Variants in LRRC37A2 observed in about 807,000 individuals in gnomAD.
LRRC37A2 encodes leucine-rich repeat-containing protein 37A2.
LRRC37A2 carries 9 observed loss-of-function variants against 68.8 expected under a neutral mutation model. The ratio of observed to expected loss-of-function variants is 0.13; its 90% CI spans 0.08 to 0.23. The LOEUF (loss-of-function observed/expected upper bound fraction) is 0.23. Among genes scored for constraint, LRRC37A2 ranks in the 10% least tolerant of loss-of-function variants. LRRC37A2 has a pLI of 1.00. For synonymous variants in LRRC37A2, 63 were observed against 367.6 expected, an observed-to-expected ratio of 0.17 and a Z score of 9.48; for missense variants, 168 against 950.4, an observed-to-expected ratio of 0.18 and a Z score of 10.82.
chr17:46,896,293 CAAAAAA>C, the LRRC37A2 span, among the ~76,000 whole-genome samples: 1 of 115,188 alleles, frequency 8.7e-6, no homozygotes, highest in South Asian at 2.5e-4. Context: ...GACTCTCTCT[CAAAAAA>C]AGAAAAAGAA....
At chr17:46,493,577 C>T in the LRRC37A2 span, among the ~76,000 whole-genome samples, 11 of 145,186 alleles carry the variant, frequency 7.6e-5, no homozygotes, top group South Asian at 2.0e-3. Context: ...CTCGCTGTGT[C>T]GCCAGGCTGG....
At chr17:46,913,153 G>A in the LRRC37A2 span, among the ~76,000 whole-genome samples, 1 of 152,180 alleles carries the variant, frequency 6.6e-6, no homozygotes, top group Non-Finnish European at 1.5e-5. Flanking sequence ...CACCGCTAAG[G>A]GCAGTTTTTA....
chr17:46,902,494 TAGAGAC>T, the LRRC37A2 span, among the ~76,000 whole-genome samples: 1 of 135,366 alleles, frequency 7.4e-6, no homozygotes, highest in African/African-American at 3.2e-5. Context: ...GTGTGTAAGA[TAGAGAC>T]AGAGAGAGAG....
chr17:46,902,723 A>G, the LRRC37A2 span, among the ~76,000 whole-genome samples: 1 of 152,158 alleles, frequency 6.6e-6, no homozygotes, highest in Non-Finnish European at 1.5e-5. Context: ...CTGGTTGCCC[A>G]CAGATACCGT....
chr17:46,754,397 C>A, the LRRC37A2 span, among the ~76,000 whole-genome samples: 1 of 151,924 alleles, frequency 6.6e-6, no homozygotes, highest in Non-Finnish European at 1.5e-5. Context: ...CACATCTCCC[C>A]ACAGCTGCAC....
At chr17:46,388,942 T>A in the LRRC37A2 span, among the ~76,000 whole-genome samples, 2 of 73,794 alleles carry the variant, frequency 2.7e-5, no homozygotes, top group African/African-American at 1.2e-4. Context: ...ACGCCTGTAA[T>A]CCGAGCACTT....
chr17:46,993,923 G>A, the LRRC37A2 span, among the ~76,000 whole-genome samples: 1 of 146,598 alleles, frequency 6.8e-6, no homozygotes, highest in East Asian at 1.9e-4. Context: ...GCTGGTCCAT[G>A]GCAGGTGCCA....
the LRRC37A2 span, among the ~76,000 whole-genome samples, chr17:46,754,471 T>C: frequency 6.6e-6 from 1 of 152,142 alleles, no homozygotes; most frequent in Non-Finnish European, 1.5e-5. Flanking sequence ...ACTCCTGCTC[T>C]GAAACATATT....
At chr17:46,747,580 A>T in the LRRC37A2 span, among the ~76,000 whole-genome samples, 30 of 152,188 alleles carry the variant, frequency 2.0e-4, no homozygotes, top group African/African-American at 7.2e-4. Flanking sequence ...GGCCTCAGAG[A>T]TCTAAAACAA....
chr17:47,024,215 T>A, the LRRC37A2 span, among the ~76,000 whole-genome samples: 1 of 152,152 alleles, frequency 6.6e-6, no homozygotes. Flanking sequence ...ATAAACAACA[T>A]TTATGTTATG....
the LRRC37A2 span, among the ~76,000 whole-genome samples, chr17:46,783,830 A>G: frequency 6.6e-6 from 1 of 152,230 alleles, no homozygotes; most frequent in Non-Finnish European, 1.5e-5. Flanking sequence ...ACAGAGAAGC[A>G]GAGGAGGGGA....
the LRRC37A2 span, among the ~76,000 whole-genome samples, chr17:46,863,841 G>C: frequency 1.3e-5 from 2 of 152,128 alleles, no homozygotes; most frequent in South Asian, 4.1e-4. Flanking sequence ...TCCCAAGGGA[G>C]CCGCTCACAA....
chr17:46,930,766 T>C, the LRRC37A2 span: 1 of 235,014 alleles, frequency 4.3e-6, no homozygotes, highest in African/African-American at 2.3e-5. Context: ...AAGAGACCTA[T>C]ATCAGAAAAT....
the LRRC37A2 span, among the ~76,000 whole-genome samples, chr17:46,732,834 A>G: frequency 1.3e-5 from 2 of 152,346 alleles, no homozygotes; most frequent in Admixed American, 1.3e-4. Context: ...CTGTCCCAGC[A>G]GGGAGCCAAG....
chr17:46,980,820 G>A, the LRRC37A2 span, among the ~76,000 whole-genome samples: 14 of 151,796 alleles, frequency 9.2e-5, no homozygotes, highest in Admixed American at 3.3e-4. Context: ...GTGACAGAGC[G>A]AGACTCCGTC....
At chr17:47,003,374 G>T in the LRRC37A2 span, among the ~76,000 whole-genome samples, 1 of 152,186 alleles carries the variant, frequency 6.6e-6, no homozygotes, top group African/African-American at 2.4e-5. Context: ...GGCAGAGGTG[G>T]GGCAGATGAG....
At chr17:46,984,416 G>T in the LRRC37A2 span, among the ~76,000 whole-genome samples, 1 of 152,170 alleles carries the variant, frequency 6.6e-6, no homozygotes, top group African/African-American at 2.4e-5. Flanking sequence ...TCTGTCAACT[G>T]GCTGCCTCCC....
the LRRC37A2 span, chr17:47,028,190 T>A: frequency 2.3e-6 from 2 of 886,926 alleles, no homozygotes; most frequent in Non-Finnish European, 3.7e-6. Flanking sequence ...GAGGTTATGT[T>A]CCATCCTGTA....
the LRRC37A2 span, chr17:46,929,876 G>A: frequency 1.2e-5 from 4 of 328,808 alleles, no homozygotes; most frequent in East Asian, 1.2e-4. Flanking sequence ...GTCCTTAGAG[G>A]AATGTACTCC....
Sources: allele counts gnomAD v4.1 joint callset (sites outside exome capture counted in the v4.1 genomes callset), GRCh38; gene constraint gnomAD v4.1.1; transcripts MANE v1.5; gene names NCBI Gene and HGNC (gene_info 2026-07-23, HGNC 2026-07-21).